Variants in CENPE observed in about 807,000 individuals in gnomAD.
The protein encoded by CENPE is centromere protein E.
A neutral mutation model predicts 336.1 loss-of-function variants in CENPE; 145 were observed. The observed-to-expected ratio is 0.43, with a 90% confidence interval of 0.38 to 0.50. The LOEUF is 0.50. Among genes scored for constraint, CENPE ranks in the 20% least tolerant of loss-of-function variants. CENPE has a pLI of 0.00. For synonymous variants in CENPE, 1,013 were observed against 984.8 expected, an observed-to-expected ratio of 1.03 and a Z score of -0.54; for missense variants, 2,719 against 3,023.3, an observed-to-expected ratio of 0.90 and a Z score of 2.36.
At position 103,116,615 on chromosome 4, in the gene CENPE, G is replaced by T; in HGVS notation, c.7404C>A (p.Asp2468Glu). The T allele has an allele frequency of 6.3e-7, 1 of 1,587,208 alleles. No homozygotes were observed. The highest frequency in any genetic ancestry group is 1.2e-5 in the South Asian group (1 of 85,284). ...EDLKMKLVKI[D>E]LEKMKNAKEF... is the part of the protein sequence containing the mutation. ...CTTTGGCATTTTTCATTTTCTCTAG[G>T]TCTATTTTCACAAGCTTCATTTTGA... Residue 2468 changes from aspartate (D) to glutamate (E), a missense_variant, in exon 45 of 49, where the codon GAC becomes GAA. Around this residue, in one of 5 missense-constraint regions of CENPE, gnomAD observed 2,437 missense variants for 2,513.3 expected, o/e 0.97. Coordinates refer to ENST00000265148, the MANE Select transcript of CENPE (RefSeq NM_001813.3).
chr4:103,183,484 A>G (rs1756492423), intron 9 of CENPE, among the ~76,000 whole-genome samples, 196 bp from the exon 10 acceptor site: 1 of 152,152 alleles, frequency 6.6e-6, no homozygotes. Flanking sequence ...TGAATCAGAA[A>G]GGTTATTACC....
chr4:103,159,953 C>T (rs1018451351), intron 21 of CENPE, among the ~76,000 whole-genome samples: 1 of 151,650 alleles, frequency 6.6e-6, no homozygotes, highest in African/African-American at 2.4e-5. Context: ...TAAAGACGGG[C>T]AATACAGCGT....
chr4:103,183,393 G>A (rs950253133), intron 9 of CENPE, 105 bp from the exon 10 acceptor site: 10 of 837,384 alleles, frequency 1.2e-5, no homozygotes, highest in Non-Finnish European at 1.9e-5. Flanking sequence ...AGATGCTAAA[G>A]TCTATGCTCT....
At chr4:103,191,528 C>T (rs982831042) in intron 8 of CENPE, among the ~76,000 whole-genome samples, 1 of 151,798 alleles carries the variant, frequency 6.6e-6, no homozygotes, top group Non-Finnish European at 1.5e-5. Context: ...AACCATCATT[C>T]TCAGCAAACT....
chr4:103,177,274 C>G (rs912616171), intron 13 of CENPE, among the ~76,000 whole-genome samples: 8 of 152,000 alleles, frequency 5.3e-5, no homozygotes, highest in East Asian at 3.9e-4. Context: ...TCCTCCTCAT[C>G]ATTTATCCAC....
intron 42 of CENPE, among the ~76,000 whole-genome samples, chr4:103,132,374 C>T (rs375813234): frequency 3.9e-5 from 6 of 152,098 alleles, no homozygotes; most frequent in South Asian, 2.1e-4. Context: ...TCATGTCTTA[C>T]GATCTCTAAG....
intron 16 of CENPE, among the ~76,000 whole-genome samples, chr4:103,171,153 A>G (rs1448101938): frequency 1.3e-5 from 2 of 152,164 alleles, no homozygotes; most frequent in Non-Finnish European, 2.9e-5. Flanking sequence ...TAGCAGATTT[A>G]AACTGCAGTC....
chr4:103,160,646 T>C lies in CENPE; in HGVS notation c.2265A>G (p.Glu755=), dbSNP rs773637120. The C allele has an allele frequency of 1.4e-5, 23 of 1,609,210 alleles. No homozygotes were observed. In the East Asian group the frequency reaches 5.2e-4, roughly 36 times the overall value. ...TTACCTCTTTCCTCAGCCTTTCTACTTCAGAAGGTAAAGATTTCAATTCTG... is the reference window on the plus strand; with the variant it reads ...TTACCTCTTTCCTCAGCCTTTCTACCTCAGAAGGTAAAGATTTCAATTCTG... ...LLSELKSLPS[E]VERLRKEIQD... The change falls in exon 21 of 49, where the codon GAA becomes GAG. Residue 755 remains glutamate (E), a synonymous_variant. Coordinates refer to ENST00000265148, the MANE Select transcript of CENPE (RefSeq NM_001813.3).
In CENPE at chr4:103,178,775, T is replaced by A. The variant is rs553101846; in HGVS notation, c.1242+1536A>T. Among the ~76,000 whole-genome samples, 226 of 152,316 alleles carry A rather than the reference T, an allele frequency of 1.5e-3. 1 individual carries two copies. The highest frequency in any genetic ancestry group is 4.8e-3 in the African/African-American group (201 of 41,558). ...TACCATATTCACTAGGTTTTATTCT[T>A]AACTGTACAGCTAAACCTGGGCTGC... On this transcript the variant is annotated intron_variant, in intron 13 of 48. Coordinates refer to ENST00000265148, the MANE Select transcript of CENPE (RefSeq NM_001813.3).
intron 31 of CENPE, 55 bp from the exon 32 acceptor site, chr4:103,145,389 A>G: frequency 7.5e-7 from 1 of 1,330,438 alleles, no homozygotes; most frequent in Admixed American, 2.1e-5. Flanking sequence ...AAACACACAC[A>G]CACACATACA....
intron 34 of CENPE, among the ~76,000 whole-genome samples, chr4:103,142,806 G>A (rs1752679688): frequency 1.3e-5 from 2 of 151,846 alleles, no homozygotes; most frequent in South Asian, 2.1e-4. Flanking sequence ...TCAGGAGATC[G>A]AGACCACCCT....
chr4:103,163,897 C>A (rs1754689429), intron 16 of CENPE, among the ~76,000 whole-genome samples: 1 of 151,986 alleles, frequency 6.6e-6, no homozygotes, highest in Non-Finnish European at 1.5e-5. Context: ...GTAATCAAAC[C>A]TTGAAAAATA....
chr4:103,145,289 T>A lies in CENPE; in HGVS notation c.4618A>T (p.Ile1540Phe), dbSNP rs1752933157. 1 of 1,600,772 alleles carries A rather than the reference T, an allele frequency of 6.2e-7. No individual in the cohort carries two copies. Residue 1540 changes from isoleucine to phenylalanine, a missense_variant, in exon 32 of 49, where the codon ATT (isoleucine) becomes TTT (phenylalanine). Transcript: ENST00000265148. ...EKEEQFNIKQ[I>F]SEVQEKVNEL... The stretch of plus-strand genomic sequence containing the variant: ...TTCACTTTTTCCTGAACCTCACTAA[T>A]TTGTTTTATATTAAATTGTTCCTCT...
At position 103,132,855 on chromosome 4, in the gene CENPE, T is replaced by C; in HGVS notation, c.6762A>G (p.Ile2254Met). 1 of 1,530,414 alleles carries C rather than the reference T, an allele frequency of 6.5e-7. No homozygotes were observed. Among genetic ancestry groups the C allele is most frequent in the South Asian group, 1.3e-5 (1 of 74,474 alleles). The allele number at this position is 1,530,414 out of a possible 1,614,324, so 94.8% of individuals were successfully genotyped here. A position where few individuals can be genotyped will look rare whatever the true frequency, so the allele number is the denominator to read the frequency against. The change falls in exon 42 of 49, where the codon ATA becomes ATG. Residue 2254 changes from isoleucine to methionine, a missense_variant. Coordinates refer to ENST00000265148, the MANE Select transcript of CENPE (RefSeq NM_001813.3). ...KDFSESEFPSIKTEFQQVLSN... is the reference protein window; with the variant it reads ...KDFSESEFPSMKTEFQQVLSN... ...TTAGTACTTGTTGAAATTCAGTCTTTATGCTAGGGAACTCACTTTCTGAGA... is the reference window on the plus strand; with the variant it reads ...TTAGTACTTGTTGAAATTCAGTCTTCATGCTAGGGAACTCACTTTCTGAGA...
At chr4:103,127,864 A>G (rs1280092380) in intron 42 of CENPE, among the ~76,000 whole-genome samples, 2 of 152,160 alleles carry the variant, frequency 1.3e-5, no homozygotes, top group Non-Finnish European at 2.9e-5. Context: ...AAAAATAGGT[A>G]CAAAGAATAA....
chr4:103,132,080 AC>A (rs995123801), intron 42 of CENPE, among the ~76,000 whole-genome samples: 6 of 152,124 alleles, frequency 3.9e-5, no homozygotes, highest in African/African-American at 1.4e-4. Context: ...CCAAGTGTGA[AC>A]CCTAATGTAA....
At chr4:103,155,895 T>A (rs569801960) in intron 24 of CENPE, among the ~76,000 whole-genome samples, 2 of 152,212 alleles carry the variant, frequency 1.3e-5, no homozygotes, top group Non-Finnish European at 2.9e-5. Flanking sequence ...TATTTAATAA[T>A]GTATTCTGTT....
At chr4:103,138,911 T>C (rs1488718493) in intron 38 of CENPE, among the ~76,000 whole-genome samples, 1 of 152,188 alleles carries the variant, frequency 6.6e-6, no homozygotes, top group Admixed American at 6.5e-5. Flanking sequence ...TGATTCCTAC[T>C]CTTCCAAATC....
At position 103,133,819 on chromosome 4, in the gene CENPE, A is replaced by G. The variant is rs572676595; in HGVS notation, c.6596T>C (p.Ile2199Thr). Reference protein sequence around the residue: ...ESINKFEMDFIDEVEKQKELL... With the variant: ...ESINKFEMDFTDEVEKQKELL... ...TTCCTTTTGCTTTTCCACTTCATCA[A>G]TAAAATCCATTTCAAATTTATTGAT... The change falls in exon 41 of 49, where the codon ATT becomes ACT. Residue 2199 changes from isoleucine (I) to threonine (T), a missense_variant. Ile to Thr is a moderately conservative substitution (Grantham distance 89). Coordinates refer to ENST00000265148, the MANE Select transcript of CENPE (RefSeq NM_001813.3). 5 of 1,605,074 alleles carry G rather than the reference A, an allele frequency of 3.1e-6. No individual in the cohort carries two copies. The African/African-American group carries it at 6.7e-5, about 21-fold the overall frequency.
Sources: allele counts gnomAD v4.1 joint callset (sites outside exome capture counted in the v4.1 genomes callset), GRCh38; gene constraint gnomAD v4.1.1; regional missense constraint gnomAD v4.1.1; transcripts MANE v1.5; gene names NCBI Gene and HGNC (gene_info 2026-07-23, HGNC 2026-07-21).